Variants in ECT2 observed in about 807,000 individuals in gnomAD.
The protein encoded by ECT2 is epithelial cell transforming 2.
In ECT2, 61 loss-of-function variants were observed where a neutral mutation model predicts 116.9. That is an observed-to-expected ratio of 0.52 (90% CI 0.42 to 0.65). The LOEUF (loss-of-function observed/expected upper bound fraction) is 0.65. ECT2 is among the 30% of genes least tolerant of loss of function. The probability of loss-of-function intolerance (pLI) is 0.00; values close to 1 mark genes in which losing one functional copy is unlikely to be tolerated. For synonymous variants in ECT2, 358 were observed against 346.4 expected (o/e 1.03, Z -0.37); for missense variants, 937 against 1,078.7 (o/e 0.87, Z 1.84).
At chr3:172,825,401 G>A (rs1730817176), downstream of ECT2, among the ~76,000 whole-genome samples, 3 of 152,080 alleles carry the variant, frequency 2.0e-5, no homozygotes, top group African/African-American at 7.2e-5. Context: ...ACTTAGTGAG[G>A]GAGGCATGTT....
At chr3:172,789,072 AAAAG>A (rs1312770998) in intron 18 of ECT2, among the ~76,000 whole-genome samples, 1 of 151,512 alleles carries the variant, frequency 6.6e-6, no homozygotes, top group East Asian at 1.9e-4. Flanking sequence ...AAAAAAAAAA[AAAAG>A]CTAACAATTA....
intron 18 of ECT2, among the ~76,000 whole-genome samples, chr3:172,787,736 G>C (rs1448723579): frequency 6.6e-6 from 1 of 152,022 alleles, no homozygotes; most frequent in African/African-American, 2.4e-5. Context: ...TATGAAGTAG[G>C]CAGTCATTGT....
chr3:172,794,114 C>T (rs1725187596), intron 18 of ECT2, among the ~76,000 whole-genome samples: 1 of 151,934 alleles, frequency 6.6e-6, no homozygotes, highest in Admixed American at 6.6e-5. Flanking sequence ...TCTAATTTAG[C>T]AAATTTTATT....
chr3:172,792,080 C>G (rs1390112104), intron 18 of ECT2, among the ~76,000 whole-genome samples: 1 of 152,170 alleles, frequency 6.6e-6, no homozygotes, highest in Admixed American at 6.5e-5. Flanking sequence ...TCAGAACACA[C>G]ACACACTTAT....
chr3:172,793,311 C>T (rs1725009406), intron 18 of ECT2, among the ~76,000 whole-genome samples: 1 of 151,488 alleles, frequency 6.6e-6, no homozygotes, highest in African/African-American at 2.4e-5. Context: ...ATTACAGGCA[C>T]GTGCCACCAC....
At chr3:172,827,682 T>C in the ECT2 span, among the ~76,000 whole-genome samples, 1 of 152,072 alleles carries the variant, frequency 6.6e-6, no homozygotes, top group Non-Finnish European at 1.5e-5. Context: ...AAAGATACAG[T>C]TAGATAGAAG....
At chr3:172,778,019 C>A (rs1722047230) in intron 14 of ECT2, among the ~76,000 whole-genome samples, 1 of 152,126 alleles carries the variant, frequency 6.6e-6, no homozygotes. Context: ...GTTTCAGGAA[C>A]CCATGTATGT....
chr3:172,762,287 C>A, intron 8 of ECT2, 129 bp from the exon 9 acceptor site: 1 of 995,956 alleles, frequency 1.0e-6, no homozygotes, highest in Non-Finnish European at 1.4e-6. Flanking sequence ...ATTTCAGGAC[C>A]AAATATTAAA....
downstream of ECT2, among the ~76,000 whole-genome samples, chr3:172,824,364 A>T (rs539069052): frequency 2.4e-4 from 36 of 152,304 alleles, no homozygotes; most frequent in African/African-American, 7.7e-4. Flanking sequence ...CCAGCACTTC[A>T]GATGGCCAGA....
intron 12 of ECT2, among the ~76,000 whole-genome samples, chr3:172,768,259 T>G (rs1719910266): frequency 6.6e-6 from 1 of 152,166 alleles, no homozygotes; most frequent in Admixed American, 6.5e-5. Flanking sequence ...ATGTAAGTAT[T>G]TTTACATCTC....
chr3:172,789,348 T>C (rs2108786684), intron 18 of ECT2, among the ~76,000 whole-genome samples: 1 of 151,928 alleles, frequency 6.6e-6, no homozygotes, highest in East Asian at 1.9e-4. Context: ...GGATTACAGA[T>C]GTGCACCACC....
chr3:172,793,818 G>C (rs571102601), intron 18 of ECT2, among the ~76,000 whole-genome samples: 1 of 152,082 alleles, frequency 6.6e-6, no homozygotes, highest in Admixed American at 6.5e-5. Context: ...GTCTTTCCTG[G>C]TGGTTTTGAT....
In ECT2 at chr3:172,803,927, C is replaced by T. The variant is rs115843548; in HGVS notation, c.2106+947C>T. On this transcript the variant is annotated intron_variant, in intron 20 of 24. Coordinates refer to ENST00000392692, the MANE Select transcript of ECT2 (RefSeq NM_001258315.2). ...TCTGGTGATTTTCTTATCCCAACAT[C>T]GCAAGTAGCTGAGACTATAGACACT... is the stretch of plus-strand genomic sequence containing the variant. 9.8e-3 allele frequency among the ~76,000 whole-genome samples: 1,490 copies of T among 152,028 alleles called. 30 individuals are homozygous for T. The highest frequency in any genetic ancestry group is 0.034 in the African/African-American group (1,389 of 41,446).
downstream of ECT2, among the ~76,000 whole-genome samples, chr3:172,821,753 G>A (rs1430406749): frequency 6.6e-6 from 1 of 151,822 alleles, no homozygotes; most frequent in Non-Finnish European, 1.5e-5. Context: ...ATACACAATT[G>A]TTATTTTTTT....
chr3:172,755,592 C>A lies in ECT2; in HGVS notation c.303+17C>A, dbSNP rs779468665. 1 of 1,279,468 alleles carries A rather than the reference C, an allele frequency of 7.8e-7. No individual in the cohort carries two copies. Among genetic ancestry groups the A allele is most frequent in the South Asian group, 1.4e-5 (1 of 70,898 alleles). 79.3% of individuals were successfully genotyped at this position (1,279,468 alleles called of 1,614,324 possible). ...ATTAATATGGTAGGTCAAAGTAACT[C>A]ATTGCATGTGGCATGCTGCACTTCC... On this transcript the variant is annotated intron_variant, in intron 4 of 24. Coordinates refer to ENST00000392692, the MANE Select transcript of ECT2 (RefSeq NM_001258315.2).
intron 1 of ECT2, among the ~76,000 whole-genome samples, chr3:172,754,104 A>G (rs1272437272): frequency 1.3e-5 from 2 of 152,238 alleles, no homozygotes; most frequent in African/African-American, 2.4e-5. Flanking sequence ...GGGAGAGGAA[A>G]AAATTAGGAT....
chr3:172,755,093 C>T (rs1331636994), intron 2 of ECT2, among the ~76,000 whole-genome samples: 1 of 151,476 alleles, frequency 6.6e-6, no homozygotes, highest in East Asian at 1.9e-4. Flanking sequence ...TACCCTGCTA[C>T]AATATGGTTT....
chr3:172,754,212 G>T (rs1383906192), intron 1 of ECT2, among the ~76,000 whole-genome samples: 1 of 152,130 alleles, frequency 6.6e-6, no homozygotes, highest in Non-Finnish European at 1.5e-5. Flanking sequence ...CAAAGGTGTG[G>T]AGAAGGGAGG....
intron 18 of ECT2, among the ~76,000 whole-genome samples, chr3:172,788,122 G>T (rs554522122): frequency 4.8e-4 from 73 of 152,214 alleles, no homozygotes; most frequent in African/African-American, 1.7e-3. Context: ...AAGCCTTATA[G>T]AATTTTACCA....
Sources: gnomAD v4.1 joint callset for allele counts (sites outside exome capture counted in the v4.1 genomes callset) on GRCh38, gnomAD v4.1.1 for gene constraint, MANE v1.5 for transcripts, NCBI Gene and HGNC (gene_info 2026-07-23, HGNC 2026-07-21) for gene names.